The following SETDB2 variants were observed in gnomAD, a reference collection of about 807,000 sequenced individuals.
SETDB2 encodes SET domain bifurcated histone lysine methyltransferase 2, also known as histone-lysine N-methyltransferase SETDB2.
A neutral mutation model predicts 82.5 loss-of-function variants in SETDB2; 56 were observed. The ratio of observed to expected loss-of-function variants is 0.68; its 90% CI spans 0.55 to 0.85. The LOEUF is 0.85. Ranked by LOEUF, SETDB2 falls within the 40% of genes least tolerant of loss-of-function variation. The pLI is 0.00. For missense variants in SETDB2, 677 were observed against 816.4 expected (o/e 0.83, Z 2.08); for synonymous variants, 272 against 284.9 (o/e 0.95, Z 0.46).
At chr13:49,475,653 AT>A (rs892975007) in intron 5 of SETDB2, among the ~76,000 whole-genome samples, 6 of 151,356 alleles carry the variant, frequency 4.0e-5, no homozygotes, top group Admixed American at 6.6e-5. Flanking sequence ...TACCTTACTA[AT>A]TTTTTTTACT....
rs750783807 is a variant in SETDB2, at chr13:49,490,925, T to G, written c.2006+15T>G. 6.3e-7 allele frequency: 1 copy of G among 1,595,534 alleles called. No individual in the cohort carries two copies. The highest frequency in any genetic ancestry group is 8.6e-7 in the Non-Finnish European group (1 of 1,163,662). ...TTCACCAACAGGTTTGAAATTGATTTCGCTTACTTAATTCTGAAATTGTGA... is the reference window on the plus strand; with the variant it reads ...TTCACCAACAGGTTTGAAATTGATTGCGCTTACTTAATTCTGAAATTGTGA... On this transcript the variant is annotated intron_variant, in intron 13 of 13. Coordinates refer to ENST00000611815, the MANE Select transcript of SETDB2 (RefSeq NM_001160308.3).
Position 49,488,607 on chromosome 13 carries a change from G to A in SETDB2, c.1894G>A (p.Gly632Arg). 1.3e-6 allele frequency: 2 copies of A among 1,598,378 alleles called. No homozygotes were observed. The highest frequency in any genetic ancestry group is 1.7e-6 in the Non-Finnish European group (2 of 1,173,134). The change falls in exon 12 of 14, where the codon GGA becomes AGA. Residue 632 changes from glycine (G) to arginine (R), a missense_variant. Physicochemically the swap from Gly to Arg is moderately radical, Grantham distance 125. Around this residue, in one of 3 missense-constraint regions of SETDB2, gnomAD observed 420 missense variants for 554.6 expected, o/e 0.76. Coordinates refer to ENST00000611815, the MANE Select transcript of SETDB2 (RefSeq NM_001160308.3). Reference sequence around the variant, plus strand: ...GTTTTTATTGGATGCCACAAAAGAAGGAAATGTCGGCCGCTTCCTTAATGT... The same window carrying A: ...GTTTTTATTGGATGCCACAAAAGAAAGAAATGTCGGCCGCTTCCTTAATGT... ...NVFLLDATKE[G>R]NVGRFLNHSC...
chr13:49,463,040 C>G (rs541435809), intron 4 of SETDB2, among the ~76,000 whole-genome samples: 15 of 152,258 alleles, frequency 9.9e-5, no homozygotes, highest in East Asian at 5.8e-4. Context: ...AAATCTTGCT[C>G]TCTCTCCCAG....
chr13:49,448,342 T>C (rs910500433), intron 1 of SETDB2, among the ~76,000 whole-genome samples: 1 of 152,176 alleles, frequency 6.6e-6, no homozygotes, highest in Non-Finnish European at 1.5e-5. Context: ...TTTGTTATTA[T>C]TTATTTTGTT....
chr13:49,483,333 A>T (rs979949566), intron 9 of SETDB2, 131 bp from the exon 10 acceptor site: 2 of 431,238 alleles, frequency 4.6e-6, no homozygotes, highest in Non-Finnish European at 8.3e-6. Flanking sequence ...AGGAATAAAC[A>T]TAGATGTTCT....
chr13:49,488,240 A>G (rs1958635196), intron 11 of SETDB2, 50 bp from the exon 12 acceptor site: 5 of 1,521,424 alleles, frequency 3.3e-6, no homozygotes, highest in Middle Eastern at 2.0e-4. Flanking sequence ...TTTCAGCACT[A>G]TTGCTCAGCA....
intron 4 of SETDB2, among the ~76,000 whole-genome samples, chr13:49,465,703 A>G (rs1044083212): frequency 2.0e-5 from 3 of 152,038 alleles, no homozygotes; most frequent in Non-Finnish European, 4.4e-5. Context: ...CACCTGGCTA[A>G]TTTTTGTGTT....
chr13:49,454,947 A>G (rs1248085999), intron 2 of SETDB2, among the ~76,000 whole-genome samples: 1 of 152,124 alleles, frequency 6.6e-6, no homozygotes, highest in Non-Finnish European at 1.5e-5. Flanking sequence ...TGTGGGTAAC[A>G]TCTGTTGATA....
intron 12 of SETDB2, among the ~76,000 whole-genome samples, chr13:49,489,596 C>CTTTTTTTTTTTT (rs58715452): frequency 1.2e-4 from 12 of 100,572 alleles, no homozygotes; most frequent in East Asian, 3.2e-4. Context: ...CATATTTATT[C>CTTTTTTTTTTTT]TTTTTTTTTT....
chr13:49,486,282 C>T (rs745450582), intron 11 of SETDB2, among the ~76,000 whole-genome samples: 7 of 142,696 alleles, frequency 4.9e-5, no homozygotes, highest in South Asian at 2.2e-4. Flanking sequence ...GCAGCCTGGG[C>T]GATAGAACAA....
chr13:49,455,453 AAAAT>A (rs1415269470), intron 2 of SETDB2, among the ~76,000 whole-genome samples: 2 of 152,190 alleles, frequency 1.3e-5, no homozygotes, highest in Non-Finnish European at 2.9e-5. Context: ...GACCACTTGT[AAAAT>A]ATTGGCTCAG....
intron 5 of SETDB2, 81 bp downstream of exon 5, chr13:49,468,041 T>A: frequency 1.0e-6 from 1 of 960,548 alleles, no homozygotes; most frequent in South Asian, 2.5e-5. Context: ...TTAGAATAGA[T>A]GAAATATACA....
rs529109376 is a variant in SETDB2, at chr13:49,488,138, A to G, written c.1577-152A>G. 24 of 1,127,592 alleles carry G rather than the reference A, an allele frequency of 2.1e-5. 1 individual carries two copies. In the African/African-American group the frequency reaches 3.5e-4, roughly 16 times the overall value. 69.8% of individuals were successfully genotyped at this position (1,127,592 alleles called of 1,614,324 possible). A position where few individuals can be genotyped will look rare whatever the true frequency, so the allele number is the denominator to read the frequency against. On this transcript the variant is annotated intron_variant, in intron 11 of 13. Coordinates refer to ENST00000611815, the MANE Select transcript of SETDB2 (RefSeq NM_001160308.3). ...ATGAATTCCTTAATCCCTCAGAGAA[A>G]GTTTCCTTTATACAATTAAAATAAT...
intron 2 of SETDB2, among the ~76,000 whole-genome samples, chr13:49,458,319 C>T (rs1311852577): frequency 6.6e-6 from 1 of 152,150 alleles, no homozygotes; most frequent in Non-Finnish European, 1.5e-5. Flanking sequence ...AAGTGATTCT[C>T]CTGTCTCGGT....
chr13:49,450,213 G>A (rs774807379), intron 1 of SETDB2, among the ~76,000 whole-genome samples: 63 of 152,128 alleles, frequency 4.1e-4, no homozygotes, highest in Admixed American at 2.6e-3. Context: ...GTTTGCTTAT[G>A]TGTTTTCCAG....
At chr13:49,455,199 A>T (rs1395596900) in intron 2 of SETDB2, among the ~76,000 whole-genome samples, 1 of 152,162 alleles carries the variant, frequency 6.6e-6, no homozygotes, top group Non-Finnish European at 1.5e-5. Flanking sequence ...GGTTGAACTG[A>T]ATAAAAGACA....
At chr13:49,485,867 C>A in intron 11 of SETDB2, 144 bp downstream of exon 11, 1 of 835,724 alleles carries the variant, frequency 1.2e-6, no homozygotes. Context: ...CATAAGAGAT[C>A]AGCAAAATAT....
intron 2 of SETDB2, among the ~76,000 whole-genome samples, chr13:49,457,590 C>T (rs952763115): frequency 2.6e-5 from 4 of 151,930 alleles, no homozygotes; most frequent in South Asian, 2.1e-4. Flanking sequence ...TGTGCCACCA[C>T]GCCCAGCTAA....
Position 49,477,053 on chromosome 13 carries a change from C to T in SETDB2, c.869+14C>T, listed in dbSNP as rs1269172403. The T allele has an allele frequency of 1.3e-6, 2 of 1,545,036 alleles. No individual in the cohort carries two copies. Among genetic ancestry groups the T allele is most frequent in the Admixed American group, 2.1e-5 (1 of 46,606 alleles). ...CTGCATAGACATGTGAGTAGAAAAA[C>T]ATGGCGTTTCAAAAAAATCTTCTGA... On this transcript the variant is annotated intron_variant, in intron 6 of 13. Transcript: ENST00000611815.
Sources: gnomAD v4.1 joint callset for allele counts (sites outside exome capture counted in the v4.1 genomes callset) on GRCh38, gnomAD v4.1.1 for gene constraint, gnomAD v4.1.1 regional missense constraint, MANE v1.5 for transcripts, NCBI Gene and HGNC (gene_info 2026-07-23, HGNC 2026-07-21) for gene names.